PIP5KL1: variants seen among roughly 807,000 people sequenced by gnomAD.
PIP5KL1 encodes the protein phosphatidylinositol 4-phosphate 5-kinase-like protein 1.
PIP5KL1 carries 45 observed loss-of-function variants against 47.6 expected under a neutral mutation model. The ratio of observed to expected loss-of-function variants is 0.94; its 90% CI spans 0.74 to 1.21. The LOEUF (loss-of-function observed/expected upper bound fraction) is 1.21. Ranked by LOEUF, PIP5KL1 falls within the 50% of genes most tolerant of loss-of-function variation. The probability of loss-of-function intolerance (pLI) is 0.00; values close to 1 mark genes in which losing one functional copy is unlikely to be tolerated. For missense variants in PIP5KL1, 577 were observed against 547.6 expected, an observed-to-expected ratio of 1.05 and a Z score of -0.54; for synonymous variants, 256 against 234.6, an observed-to-expected ratio of 1.09 and a Z score of -0.84.
chr9:127,924,964 A>ACG, intron 9 of PIP5KL1, 143 bp downstream of exon 9: 1 of 1,115,406 alleles, frequency 9.0e-7, no homozygotes, highest in South Asian at 1.5e-5. Context: ...ACGCGCGCAC[A>ACG]CGCACACACA....
At chr9:127,926,541 C>T (rs764926454) in intron 7 of PIP5KL1, among the ~76,000 whole-genome samples, 39 of 152,330 alleles carry the variant, frequency 2.6e-4, no homozygotes, top group African/African-American at 5.3e-4. Flanking sequence ...ACAAGCGTGA[C>T]GCACCATGCC....
intron 3 of PIP5KL1, 27 bp from the exon 4 acceptor site, chr9:127,928,246 G>A (rs1237320865): frequency 6.5e-7 from 1 of 1,530,778 alleles, no homozygotes; most frequent in Non-Finnish European, 8.8e-7. Context: ...GCCTCCTCTG[G>A]AGTGTCTGCG....
At chr9:127,924,966 GCACACACA>G in intron 9 of PIP5KL1, 133 bp downstream of exon 9, 1 of 1,069,394 alleles carries the variant, frequency 9.4e-7, no homozygotes, top group Non-Finnish European at 1.3e-6. Context: ...GCGCGCACAC[GCACACACA>G]CACACAAACT....
rs753096968 is a variant in PIP5KL1, at chr9:127,930,736, G to A, written c.17C>T (p.Pro6Leu). 1 of 1,565,570 alleles carries A rather than the reference G, an allele frequency of 6.4e-7. No individual in the cohort carries two copies. The highest frequency in any genetic ancestry group is 8.6e-7 in the Non-Finnish European group (1 of 1,159,974). Reference protein sequence around the residue: MAAPSPGPREVLAPSP... With the variant: MAAPSLGPREVLAPSP... The stretch of plus-strand genomic sequence containing the variant: ...GTCCGCACCTACCTCGCGGGGCCCC[G>A]GGCTCGGCGCAGCCATCGCCCCCGC... The change falls in exon 1 of 10, where the codon CCG becomes CTG. Residue 6 changes from proline to leucine, a missense_variant. Pro to Leu is a moderately conservative substitution (Grantham distance 98). Transcript: ENST00000388747.
intron 9 of PIP5KL1, among the ~76,000 whole-genome samples, chr9:127,924,877 C>T (rs1295639166): frequency 6.6e-6 from 1 of 152,052 alleles, no homozygotes; most frequent in Non-Finnish European, 1.5e-5. Flanking sequence ...CCCCTCTACA[C>T]ACACACACAC....
At chr9:127,928,260 G>C (rs1190105216) in intron 3 of PIP5KL1, 41 bp from the exon 4 acceptor site, 1 of 1,528,866 alleles carries the variant, frequency 6.5e-7, no homozygotes, top group East Asian at 2.5e-5. Context: ...GTCTGCGTGG[G>C]CCCGGGTGTG....
intron 9 of PIP5KL1, among the ~76,000 whole-genome samples, chr9:127,923,157 C>T (rs991570423): frequency 5.3e-5 from 8 of 152,206 alleles, no homozygotes; most frequent in African/African-American, 1.2e-4. Flanking sequence ...TTTGGCAGGG[C>T]GCCCAGTCCC....
chr9:127,924,097 G>C (rs753590526), intron 9 of PIP5KL1, among the ~76,000 whole-genome samples: 1 of 152,184 alleles, frequency 6.6e-6, no homozygotes, highest in African/African-American at 2.4e-5. Context: ...GGCTGGGCGC[G>C]GTGGCTCACG....
rs145746463 is a variant in PIP5KL1 at position 127,928,198 on chromosome 9, C to A, written c.301G>T (p.Ala101Ser). Residue 101 changes from alanine (A) to serine (S), a missense_variant, in exon 4 of 10, where the codon GCC (alanine) becomes TCC (serine). Physicochemically the swap from Ala to Ser is moderately conservative, Grantham distance 99 (BLOSUM62 1). Transcript: ENST00000388747. ...VHEGFELGTL[A>S]GPAFAWLRRS... ...CGCAGCCAGGCAAAGGCGGGGCCGGCCAGCGTGCCCAGCTCGAAGCCCTGC... is the reference window on the plus strand; with the variant it reads ...CGCAGCCAGGCAAAGGCGGGGCCGGACAGCGTGCCCAGCTCGAAGCCCTGC... The A allele has an allele frequency of 1.5e-4, 232 of 1,537,092 alleles. No individual in the cohort carries two copies. The African/African-American group carries it at 2.8e-3, about 18-fold the overall frequency.
At position 127,927,652 on chromosome 9, in the gene PIP5KL1, C is replaced by A; in HGVS notation, c.555G>T (p.Leu185Phe). 6.5e-7 allele frequency: 1 copy of A among 1,536,212 alleles called. No homozygotes were observed. Among genetic ancestry groups the A allele is most frequent in the Non-Finnish European group, 8.7e-7 (1 of 1,145,564 alleles). ...GCCCCGCCCCCAGCCAAGTACCCAG[C>A]AACCGCGCCAGCAGCGAGTGCGGGT... is the stretch of plus-strand genomic sequence containing the variant. ...QRHPHSLLAR[L>F]LGVHSLRVDR... The change falls in exon 5 of 10, where the codon TTG becomes TTT. Residue 185 changes from leucine to phenylalanine, a missense_variant. Transcript: ENST00000388747. This position sits in a 1 kb window ranked among gnomAD's most constrained non-coding sequence, Gnocchi z 5.5.
At chr9:127,925,554 C>T (rs956582085) in intron 8 of PIP5KL1, 11 of 472,010 alleles carry the variant, frequency 2.3e-5, no homozygotes, top group Admixed American at 1.4e-4. Context: ...CAACCTCTGC[C>T]GCCTGGGTTC....
At chr9:127,925,778 A>T in intron 8 of PIP5KL1, 89 bp downstream of exon 8, 1 of 1,176,040 alleles carries the variant, frequency 8.5e-7, no homozygotes, top group Non-Finnish European at 1.3e-6. Context: ...CTGGGCTCTT[A>T]ATAACTCAGG....
Position 127,921,822 on chromosome 9 carries a change from T to G in PIP5KL1, c.*25A>C. ...TCCTGGCGTGAGCCCATCGTCCAGATCCGGAGAGTGGGGCCGGGCGCCCGT... is the reference window on the plus strand; with the variant it reads ...TCCTGGCGTGAGCCCATCGTCCAGAGCCGGAGAGTGGGGCCGGGCGCCCGT... On this transcript the variant is annotated 3_prime_UTR_variant, in exon 10 of 10. Transcript: ENST00000388747. 1 of 1,561,370 alleles carries G rather than the reference T, an allele frequency of 6.4e-7. No homozygotes were observed. Among genetic ancestry groups the G allele is most frequent in the Non-Finnish European group, 8.6e-7 (1 of 1,159,436 alleles).
At chr9:127,930,389 C>T (rs1831419246) in intron 1 of PIP5KL1, among the ~76,000 whole-genome samples, 1 of 152,226 alleles carries the variant, frequency 6.6e-6, no homozygotes. Flanking sequence ...GGGGCCAGCA[C>T]GATGCTTTTC....
chr9:127,923,620 A>G (rs544027619), intron 9 of PIP5KL1, among the ~76,000 whole-genome samples: 342 of 152,352 alleles, frequency 2.2e-3, no homozygotes, highest in Middle Eastern at 6.8e-3. Flanking sequence ...CAGCCCAGCC[A>G]AAGGCCAGTG....
At chr9:127,930,454 G>A (rs970103892) in intron 1 of PIP5KL1, among the ~76,000 whole-genome samples, 1 of 152,232 alleles carries the variant, frequency 6.6e-6, no homozygotes, top group African/African-American at 2.4e-5. Flanking sequence ...CACTGGATGA[G>A]AGCTTGACCT....
intron 9 of PIP5KL1, among the ~76,000 whole-genome samples, chr9:127,922,694 CAAAAA>C (rs386416269): frequency 0.01 from 900 of 89,552 alleles, 12 homozygotes; most frequent in African/African-American, 0.038. Flanking sequence ...GACTCTGTCT[CAAAAA>C]AAAAAAAAAA....
At chr9:127,928,720 TG>T in intron 2 of PIP5KL1, 1 of 570,934 alleles carries the variant, frequency 1.8e-6, no homozygotes, top group Non-Finnish European at 3.1e-6. Flanking sequence ...TCATCCACTC[TG>T]GATCACCAGC....
At chr9:127,922,893 T>C (rs949796876) in intron 9 of PIP5KL1, among the ~76,000 whole-genome samples, 2 of 152,168 alleles carry the variant, frequency 1.3e-5, no homozygotes, top group African/African-American at 2.4e-5. Context: ...TTAAATTACA[T>C]GTATGGCTTG....
Sources: allele counts gnomAD v4.1 joint callset (sites outside exome capture counted in the v4.1 genomes callset), GRCh38; gene constraint gnomAD v4.1.1; non-coding constraint Gnocchi (gnomAD v3.1); transcripts MANE v1.5; gene names NCBI Gene and HGNC (gene_info 2026-07-23, HGNC 2026-07-21).